Variants in SAMD5 observed in about 807,000 individuals in gnomAD.
SAMD5 encodes the protein sterile alpha motif domain-containing protein 5.
In SAMD5, 13 loss-of-function variants were observed where a neutral mutation model predicts 11.3. That is an observed-to-expected ratio of 1.15 (90% CI 0.75 to 1.83). SAMD5 has a LOEUF of 1.83. Among genes scored for constraint, SAMD5 ranks in the 40% most tolerant of loss-of-function variants. The probability of loss-of-function intolerance (pLI) is 0.00; values close to 1 mark genes in which losing one functional copy is unlikely to be tolerated. For synonymous variants in SAMD5, 129 were observed against 111.3 expected (o/e 1.16, Z -1.00); for missense variants, 255 against 239.1 (o/e 1.07, Z -0.44).
At chr6:147,746,972 T>C in the SAMD5 span, among the ~76,000 whole-genome samples, 1 of 152,196 alleles carries the variant, frequency 6.6e-6, no homozygotes, top group African/African-American at 2.4e-5. Flanking sequence ...ACCCCCTCAA[T>C]CTACCCGTGA....
At chr6:147,825,471 G>A in the SAMD5 span, among the ~76,000 whole-genome samples, 2 of 151,976 alleles carry the variant, frequency 1.3e-5, no homozygotes, top group African/African-American at 2.4e-5. Context: ...TTGGTTCTTG[G>A]CATATTTATA....
At chr6:147,547,110 A>G (rs1788699268) in intron 1 of SAMD5, among the ~76,000 whole-genome samples, 1 of 152,198 alleles carries the variant, frequency 6.6e-6, no homozygotes, top group South Asian at 2.1e-4. Context: ...AATGGTGCAC[A>G]TTCTGAAGGT....
intron 1 of SAMD5, among the ~76,000 whole-genome samples, chr6:147,516,079 T>C (rs1789696): frequency 0.47 from 71,700 of 151,970 alleles, 19,692 homozygotes; most frequent in African/African-American, 0.77. Flanking sequence ...AAGTCCAGGC[T>C]GGGCTAGATG....
At chr6:147,909,930 C>A in the SAMD5 span, among the ~76,000 whole-genome samples, 4 of 151,990 alleles carry the variant, frequency 2.6e-5, no homozygotes, top group Admixed American at 1.3e-4. Flanking sequence ...TTCGTGTGGA[C>A]CCGGAGCATG....
chr6:147,850,077 A>C, the SAMD5 span, among the ~76,000 whole-genome samples: 1 of 152,190 alleles, frequency 6.6e-6, no homozygotes, highest in African/African-American at 2.4e-5. Context: ...CTTGACTTGC[A>C]TTCCTTTATT....
At chr6:147,606,353 C>A (rs530460959) in intron 1 of SAMD5, among the ~76,000 whole-genome samples, 1 of 151,502 alleles carries the variant, frequency 6.6e-6, no homozygotes, top group Admixed American at 6.6e-5. Flanking sequence ...TCCTTCTTGG[C>A]AAATGTTGAG....
At chr6:147,937,982 A>G in the SAMD5 span, among the ~76,000 whole-genome samples, 2 of 152,206 alleles carry the variant, frequency 1.3e-5, no homozygotes, top group Non-Finnish European at 2.9e-5. Context: ...GAGAAAATTC[A>G]TGGTTGATTA....
chr6:147,513,113 T>C (rs1450616427), intron 1 of SAMD5, among the ~76,000 whole-genome samples: 3 of 152,162 alleles, frequency 2.0e-5, no homozygotes, highest in Non-Finnish European at 2.9e-5. Flanking sequence ...TTCTGTCTGG[T>C]TAAAGCACTG....
At position 147,711,732 on chromosome 6, in the gene SAMD5, A is replaced by C. The variant is rs1252217265; in HGVS notation, c.163-25585A>C. 2.0e-5 allele frequency among the ~76,000 whole-genome samples: 3 copies of C among 152,236 alleles called. No individual in the cohort carries two copies. The highest frequency in any genetic ancestry group is 4.1e-4 in the South Asian group (2 of 4,836). On this transcript the variant is annotated intron_variant, in intron 1 of 1. Transcript: ENST00000566741. This position sits in a 1 kb window ranked among gnomAD's most constrained non-coding sequence, Gnocchi z 4.1. ...TCAGCTGAAGTATTAAGTTTGTGGTATCCAGAAACCGGGAAATATGTTTGT... is the reference window on the plus strand; with the variant it reads ...TCAGCTGAAGTATTAAGTTTGTGGTCTCCAGAAACCGGGAAATATGTTTGT...
intron 1 of SAMD5, among the ~76,000 whole-genome samples, chr6:147,678,920 A>G (rs1790902237): frequency 6.6e-6 from 1 of 152,184 alleles, no homozygotes; most frequent in Non-Finnish European, 1.5e-5. Context: ...GAACATATCC[A>G]TCGTCTCCAA....
At chr6:147,870,822 G>A in the SAMD5 span, among the ~76,000 whole-genome samples, 1 of 143,824 alleles carries the variant, frequency 7.0e-6, no homozygotes, top group East Asian at 2.2e-4. Flanking sequence ...GAGGAGGAGG[G>A]GAGGGGAGGG....
the SAMD5 span, among the ~76,000 whole-genome samples, chr6:147,850,932 A>G: frequency 3.3e-4 from 49 of 146,700 alleles, no homozygotes; most frequent in Non-Finnish European, 3.0e-5. Context: ...ATGCTGACCT[A>G]TGGTTATAAT....
Position 147,564,618 on chromosome 6 carries a change from A to T in SAMD5, c.*162A>T. 1 of 1,417,216 alleles carries T rather than the reference A, an allele frequency of 7.1e-7. No homozygotes were observed. Among genetic ancestry groups the T allele is most frequent in the Non-Finnish European group, 9.2e-7 (1 of 1,084,558 alleles). The allele number at this position is 1,417,216 out of a possible 1,614,324, so 87.8% of individuals were successfully genotyped here. A position where few individuals can be genotyped will look rare whatever the true frequency, so the allele number is the denominator to read the frequency against. On this transcript the variant is annotated 3_prime_UTR_variant, in exon 2 of 2. Transcript: ENST00000367474. Reference sequence around the variant, plus strand: ...AAATTCTGGAATAATCAACTTAGTAAACTGGGTAACTGGCTTATAACAGCT... The same window carrying T: ...AAATTCTGGAATAATCAACTTAGTATACTGGGTAACTGGCTTATAACAGCT...
At chr6:147,936,097 C>T in the SAMD5 span, among the ~76,000 whole-genome samples, 2 of 152,068 alleles carry the variant, frequency 1.3e-5, no homozygotes, top group Non-Finnish European at 1.5e-5. Context: ...GTCACAGTCA[C>T]GAGTAGTTTC....
At chr6:147,608,648 G>A (rs1275193710) in intron 1 of SAMD5, among the ~76,000 whole-genome samples, 3 of 152,138 alleles carry the variant, frequency 2.0e-5, no homozygotes, top group African/African-American at 4.8e-5. Flanking sequence ...GCTGGGAAGG[G>A]TAGTAGGGGT....
chr6:147,798,897 C>T, the SAMD5 span, among the ~76,000 whole-genome samples: 3 of 151,916 alleles, frequency 2.0e-5, no homozygotes, highest in Non-Finnish European at 4.4e-5. Context: ...CAACCCCTGC[C>T]TTTTTTTGTT....
the SAMD5 span, among the ~76,000 whole-genome samples, chr6:147,798,337 T>C: frequency 1.9e-4 from 28 of 150,818 alleles, no homozygotes; most frequent in Admixed American, 7.2e-4. Flanking sequence ...CCAGTAGTCA[T>C]TCAGGAGCAG....
At chr6:147,734,492 G>A (rs541179979) in intron 1 of SAMD5, among the ~76,000 whole-genome samples, 10 of 151,810 alleles carry the variant, frequency 6.6e-5, no homozygotes, top group South Asian at 4.2e-4. Context: ...CGAGGCGGGC[G>A]GATCACGAGG....
At chr6:147,540,464 CA>C (rs1788582032) in intron 1 of SAMD5, among the ~76,000 whole-genome samples, 1 of 152,194 alleles carries the variant, frequency 6.6e-6, no homozygotes, top group Admixed American at 6.5e-5. Context: ...AGTATCCCCA[CA>C]TAGTCACAAG....
Sources: allele counts gnomAD v4.1 joint callset (sites outside exome capture counted in the v4.1 genomes callset), GRCh38; gene constraint gnomAD v4.1.1; non-coding constraint Gnocchi (gnomAD v3.1); transcripts MANE v1.5; gene names NCBI Gene and HGNC (gene_info 2026-07-23, HGNC 2026-07-21).